The following IL19 variants were observed in gnomAD, a reference collection of about 807,000 sequenced individuals.
IL19 encodes interleukin 19.
IL19 carries 15 observed loss-of-function variants against 19.5 expected under a neutral mutation model. The ratio of observed to expected loss-of-function variants is 0.77; its 90% CI spans 0.52 to 1.19. The LOEUF (loss-of-function observed/expected upper bound fraction) is 1.19, where lower values mean the gene tolerates loss of function less well. Ranked by LOEUF, IL19 falls within the 50% of genes most tolerant of loss-of-function variation. IL19 has a pLI of 0.00. For synonymous variants in IL19, 78 were observed against 78.3 expected, an observed-to-expected ratio of 1.00 and a Z score of 0.02; for missense variants, 199 against 213.1, an observed-to-expected ratio of 0.93 and a Z score of 0.41.
At chr1:206,795,809 A>T (rs1675507857) in intron 1 of IL19, among the ~76,000 whole-genome samples, 1 of 151,988 alleles carries the variant, frequency 6.6e-6, no homozygotes, top group Admixed American at 6.5e-5. Context: ...CCTTCTTTTT[A>T]TTCCTTCTAT....
chr1:206,800,734 C>A (rs1417959771), intron 2 of IL19, among the ~76,000 whole-genome samples: 7 of 152,192 alleles, frequency 4.6e-5, no homozygotes, highest in Admixed American at 6.5e-5. Context: ...GAAGGTGAGA[C>A]ATTTAGTATA....
chr1:206,841,124 A>G (rs1030169258), intron 6 of IL19, 46 bp downstream of exon 6: 1 of 1,514,982 alleles, frequency 6.6e-7, no homozygotes, highest in African/African-American at 1.4e-5. Context: ...TGAGAGGTAG[A>G]TCAGGAGGGT....
At chr1:206,810,110 A>T (rs1199653289) in intron 2 of IL19, among the ~76,000 whole-genome samples, 2 of 152,264 alleles carry the variant, frequency 1.3e-5, no homozygotes, top group Non-Finnish European at 2.9e-5. Flanking sequence ...CACTAAAAGA[A>T]GTGCAAGACT....
chr1:206,836,347 G>T (rs1045609084), intron 2 of IL19, among the ~76,000 whole-genome samples: 1 of 152,046 alleles, frequency 6.6e-6, no homozygotes, highest in Non-Finnish European at 1.5e-5. Flanking sequence ...TGACAAAGTA[G>T]GCTGTGTTGA....
chr1:206,798,722 T>G, intron 1 of IL19, 139 bp from the exon 2 acceptor site: 1 of 556,712 alleles, frequency 1.8e-6, no homozygotes, highest in Non-Finnish European at 3.2e-6. Flanking sequence ...ACTGAGGGTG[T>G]GATTCGGTTC....
chr1:206,822,387 A>G (rs1367486376), intron 2 of IL19, among the ~76,000 whole-genome samples: 2 of 152,076 alleles, frequency 1.3e-5, no homozygotes, highest in African/African-American at 4.8e-5. Flanking sequence ...AATGGGGTTG[A>G]GATGTTCTAC....
chr1:206,777,230 C>CAAAAAAA (rs750939092), intron 1 of IL19, among the ~76,000 whole-genome samples: 1 of 6,132 alleles, frequency 1.6e-4, no homozygotes, highest in Non-Finnish European at 3.6e-4. Context: ...GACTCCGTCT[C>CAAAAAAA]AAAAAAAAAA....
intron 1 of IL19, among the ~76,000 whole-genome samples, chr1:206,776,105 T>G (rs1352906750): frequency 1.3e-5 from 2 of 152,216 alleles, no homozygotes; most frequent in African/African-American, 4.8e-5. Flanking sequence ...CTCCAAAATA[T>G]TCTCTCATTT....
At chr1:206,794,386 A>ACCTGTTCCATGACT (rs1393606286) in intron 1 of IL19, among the ~76,000 whole-genome samples, 1 of 152,008 alleles carries the variant, frequency 6.6e-6, no homozygotes, top group Non-Finnish European at 1.5e-5. Context: ...ATTGTCTGTC[A>ACCTGTTCCATGACT]CCTGTTCCAT....
intron 1 of IL19, among the ~76,000 whole-genome samples, chr1:206,778,633 A>C (rs183636559): frequency 1.3e-5 from 2 of 152,248 alleles, no homozygotes; most frequent in Non-Finnish European, 2.9e-5. Context: ...TGAAATTCTC[A>C]ATAACTGTTG....
chr1:206,778,802 T>A (rs1675066905), intron 1 of IL19, among the ~76,000 whole-genome samples: 1 of 152,218 alleles, frequency 6.6e-6, no homozygotes, highest in Admixed American at 6.5e-5. Context: ...AGAAATGATT[T>A]GTTGGTCCCT....
In IL19 at chr1:206,802,677, CT is replaced by C. The variant is rs564545992; in HGVS notation, c.-3+3681del. ...GGTACAAATTTTCAATTTTTTTTTT[CT>C]TTTTTTTTTGCCATGGGCAAGTTCC... On this transcript the variant is annotated intron_variant, in intron 2 of 6. Coordinates refer to ENST00000659997, the MANE Select transcript of IL19 (RefSeq NM_153758.5). Among the ~76,000 whole-genome samples the C allele has an allele frequency of 1.7e-4, 25 of 144,426 alleles. 2 individuals are homozygous for C. The South Asian group carries it at 4.0e-3, about 23-fold the overall frequency. 94.7% of individuals were successfully genotyped at this position (144,426 alleles called of 152,430 possible).
intron 2 of IL19, among the ~76,000 whole-genome samples, chr1:206,808,989 T>C (rs1275925457): frequency 6.6e-6 from 1 of 152,112 alleles, no homozygotes; most frequent in African/African-American, 2.4e-5. Flanking sequence ...GGAAACAAAC[T>C]TGTACTACTC....
chr1:206,807,137 A>G (rs1270694733), intron 2 of IL19, among the ~76,000 whole-genome samples: 2 of 152,164 alleles, frequency 1.3e-5, no homozygotes, highest in African/African-American at 2.4e-5. Context: ...AGCAGATCTC[A>G]TGAGAACTCA....
At chr1:206,788,429 A>C (rs1003972027) in intron 1 of IL19, among the ~76,000 whole-genome samples, 5 of 152,182 alleles carry the variant, frequency 3.3e-5, no homozygotes, top group Non-Finnish European at 1.5e-5. Context: ...AATCTATTTT[A>C]TAGTAGCGCA....
chr1:206,799,242 GCAGA>G (rs2102459696), intron 2 of IL19, among the ~76,000 whole-genome samples: 1 of 151,968 alleles, frequency 6.6e-6, no homozygotes, highest in East Asian at 1.9e-4. Flanking sequence ...GGGTGGAAAG[GCAGA>G]CAAATAAACC....
In IL19 at chr1:206,836,990, C is replaced by G. The variant is rs773232254; in HGVS notation, c.177C>G (p.Ile59Met). 2 of 1,614,014 alleles carry G rather than the reference C, an allele frequency of 1.2e-6. No homozygotes were observed. The highest frequency in any genetic ancestry group is 1.7e-6 in the Non-Finnish European group (2 of 1,179,874). The change falls in exon 4 of 7, where the codon ATC (isoleucine) becomes ATG (methionine). Residue 59 changes from isoleucine to methionine, a missense_variant. Transcript: ENST00000659997. Reference sequence around the variant, plus strand: ...AGGACACCTTCCCAAATGTCACTATCCTGTCCACATTGGAGACTCTGCAGA... The same window carrying G: ...AGGACACCTTCCCAAATGTCACTATGCTGTCCACATTGGAGACTCTGCAGA... ...QAKDTFPNVT[I>M]LSTLETLQII...
At chr1:206,803,653 A>G (rs1355939955) in intron 2 of IL19, among the ~76,000 whole-genome samples, 2 of 152,180 alleles carry the variant, frequency 1.3e-5, no homozygotes, top group Non-Finnish European at 2.9e-5. Flanking sequence ...GGCTGCCTTC[A>G]GCAACACAAA....
intron 1 of IL19, among the ~76,000 whole-genome samples, chr1:206,794,868 A>T (rs1036164231): frequency 5.9e-5 from 9 of 152,174 alleles, no homozygotes; most frequent in African/African-American, 2.2e-4. Flanking sequence ...ATTTCTGCCC[A>T]TGGCACTCAT....
Sources: allele counts gnomAD v4.1 joint callset (sites outside exome capture counted in the v4.1 genomes callset), GRCh38; gene constraint gnomAD v4.1.1; transcripts MANE v1.5; gene names NCBI Gene and HGNC (gene_info 2026-07-23, HGNC 2026-07-21).